Variants in TAF1A observed in about 807,000 individuals in gnomAD.
TAF1A encodes the protein TATA box-binding protein-associated factor RNA polymerase I subunit A.
A neutral mutation model predicts 61.6 loss-of-function variants in TAF1A; 42 were observed. The ratio of observed to expected loss-of-function variants is 0.68; its 90% CI spans 0.53 to 0.88. The LOEUF is 0.88. TAF1A is among the 40% of genes least tolerant of loss of function. The pLI is 0.00. For missense variants in TAF1A, 424 were observed against 518.7 expected, an observed-to-expected ratio of 0.82 and a Z score of 1.77; for synonymous variants, 179 against 177.7, an observed-to-expected ratio of 1.01 and a Z score of -0.06.
rs376568018 is a variant in TAF1A at position 222,569,571 on chromosome 1, T to C, written c.833A>G (p.Tyr278Cys). The C allele has an allele frequency of 7.1e-5, 114 of 1,614,108 alleles. No individual in the cohort carries two copies. The South Asian group carries it at 9.1e-4, about 13-fold the overall frequency. ...KFPSNPNAHI[Y>C]LYNFLKRQKA... ...CTGTCTCTTTAGAAAGTTGTATAAGTAGATATGGGCATTTGGATTTGATGG... is the reference window on the plus strand; with the variant it reads ...CTGTCTCTTTAGAAAGTTGTATAAGCAGATATGGGCATTTGGATTTGATGG... The change falls in exon 7 of 11, where the codon TAC becomes TGC. Residue 278 changes from tyrosine (Y) to cysteine (C), a missense_variant. Transcript: ENST00000352967.
At chr1:222,555,410 T>C (rs1010989503), downstream of TAF1A, among the ~76,000 whole-genome samples, 1 of 152,192 alleles carries the variant, frequency 6.6e-6, no homozygotes, top group Admixed American at 6.5e-5. Flanking sequence ...AATCCTGCCA[T>C]TCAGAACATG....
Position 222,570,543 on chromosome 1 carries a change from A to G in TAF1A, c.727T>C (p.Tyr243His). ...PGVWDPFVKS[Y>H]VEMLEFYGDR... ...ATGAAAATTCTACTTACTTCTACAT[A>G]ACTCTTCACAAAAGGGTCCCAAACT... is the stretch of plus-strand genomic sequence containing the variant. The change falls in exon 6 of 11, where the codon TAT becomes CAT. Residue 243 changes from tyrosine to histidine, a missense_variant. Coordinates refer to ENST00000352967, the MANE Select transcript of TAF1A (RefSeq NM_005681.4). 1 of 1,610,050 alleles carries G rather than the reference A, an allele frequency of 6.2e-7. No individual in the cohort carries two copies. Among genetic ancestry groups the G allele is most frequent in the Non-Finnish European group, 8.5e-7 (1 of 1,177,338 alleles).
At chr1:222,588,102 A>G (rs1661092541) in intron 2 of TAF1A, among the ~76,000 whole-genome samples, 1 of 152,136 alleles carries the variant, frequency 6.6e-6, no homozygotes, top group African/African-American at 2.4e-5. Context: ...ATTTCAATGC[A>G]ATTCAACAGC....
At chr1:222,556,760 T>C (rs1659732278), downstream of TAF1A, among the ~76,000 whole-genome samples, 1 of 152,222 alleles carries the variant, frequency 6.6e-6, no homozygotes. Context: ...TCTTTTATTC[T>C]CACCTCCATT....
intron 5 of TAF1A, among the ~76,000 whole-genome samples, chr1:222,574,383 C>T (rs774065677): frequency 6.6e-6 from 1 of 152,074 alleles, no homozygotes. Context: ...CAAAAGAAAA[C>T]TCTAATCAGA....
chr1:222,580,276 C>A (rs1420778948), intron 3 of TAF1A, among the ~76,000 whole-genome samples: 1 of 152,176 alleles, frequency 6.6e-6, no homozygotes, highest in African/African-American at 2.4e-5. Context: ...ATGAGGGCAA[C>A]AAACTACACA....
intron 7 of TAF1A, among the ~76,000 whole-genome samples, chr1:222,568,340 G>C (rs915003027): frequency 6.6e-6 from 1 of 151,998 alleles, no homozygotes; most frequent in Non-Finnish European, 1.5e-5. Context: ...CAAAAGGCAA[G>C]GCACAGTCAG....
intron 4 of TAF1A, among the ~76,000 whole-genome samples, chr1:222,578,003 C>T (rs1558150629): frequency 6.6e-6 from 1 of 152,072 alleles, no homozygotes; most frequent in Non-Finnish European, 1.5e-5. Flanking sequence ...CATTACTGCC[C>T]CTTCAGAAGG....
intron 9 of TAF1A, 125 bp from the exon 10 acceptor site, chr1:222,561,643 T>C: frequency 1.1e-6 from 1 of 946,686 alleles, no homozygotes; most frequent in Non-Finnish European, 1.5e-6. Context: ...AAATTCTCAA[T>C]ATGGCCAAGG....
At chr1:222,570,863 T>C (rs932895160) in intron 5 of TAF1A, among the ~76,000 whole-genome samples, 198 bp from the exon 6 acceptor site, 4 of 151,800 alleles carry the variant, frequency 2.6e-5, no homozygotes, top group African/African-American at 9.7e-5. Flanking sequence ...CTTCCTAACT[T>C]ATTCTAAGCC....
At chr1:222,556,866 A>T (rs1659734317), downstream of TAF1A, among the ~76,000 whole-genome samples, 1 of 152,174 alleles carries the variant, frequency 6.6e-6, no homozygotes. Flanking sequence ...GATTTTTTCC[A>T]CATCGTCTGG....
intron 9 of TAF1A, among the ~76,000 whole-genome samples, chr1:222,561,909 A>G (rs1659931087): frequency 6.6e-6 from 1 of 152,184 alleles, no homozygotes; most frequent in Non-Finnish European, 1.5e-5. Flanking sequence ...TGTTATTAAG[A>G]TTAAACTATT....
chr1:222,563,393 A>C (rs1477259237), intron 8 of TAF1A, 97 bp from the exon 9 acceptor site: 3 of 1,278,460 alleles, frequency 2.3e-6, no homozygotes, highest in Non-Finnish European at 3.2e-6. Context: ...TATATACTTT[A>C]CATATATGTT....
chr1:222,563,975 A>G (rs1381389578), intron 8 of TAF1A, 84 bp downstream of exon 8: 8 of 808,034 alleles, frequency 9.9e-6, no homozygotes, highest in Non-Finnish European at 1.3e-5. Flanking sequence ...AAAGGGGTGG[A>G]TTTAGCCGAT....
intron 7 of TAF1A, 95 bp downstream of exon 7, chr1:222,569,415 T>A (rs754891404): frequency 3.1e-6 from 5 of 1,607,394 alleles, no homozygotes; most frequent in Non-Finnish European, 4.2e-6. Context: ...ATTGAAATTT[T>A]CTGTAGATGC....
chr1:222,572,670 T>A (rs1056440069), intron 5 of TAF1A, among the ~76,000 whole-genome samples: 2 of 152,120 alleles, frequency 1.3e-5, no homozygotes, highest in African/African-American at 2.4e-5. Flanking sequence ...CTAACTAATT[T>A]TCAGTAAGGG....
chr1:222,561,381 C>G lies in TAF1A; in HGVS notation c.1223G>C (p.Gly408Ala). Reference sequence around the variant, plus strand: ...AACTGTACCTTTTCCTAACAGTAAACCAGCCACAAAAGCTTTCTCACAGGC... The same window carrying G: ...AACTGTACCTTTTCCTAACAGTAAAGCAGCCACAAAAGCTTTCTCACAGGC... Reference protein sequence around the residue: ...ALACEKAFVAGLLLGKGCRYF... With the variant: ...ALACEKAFVAALLLGKGCRYF... The change falls in exon 10 of 11, where the codon GGT (glycine) becomes GCT (alanine). Residue 408 changes from glycine (G) to alanine (A), a missense_variant. Physicochemically the swap from Gly to Ala is moderately conservative, Grantham distance 60. Transcript: ENST00000352967. 6.2e-7 allele frequency: 1 copy of G among 1,605,510 alleles called. No individual in the cohort carries two copies. The highest frequency in any genetic ancestry group is 1.1e-5 in the South Asian group (1 of 88,842).
chr1:222,577,780 T>C (rs1660633916), intron 4 of TAF1A, 137 bp from the exon 5 acceptor site: 1 of 721,800 alleles, frequency 1.4e-6, no homozygotes, highest in South Asian at 1.8e-5. Flanking sequence ...ATTTTGATGT[T>C]GGGTACAATC....
At position 222,589,906 on chromosome 1, in the gene TAF1A, T is replaced by G; in HGVS notation, c.-182A>C. 5.1e-6 allele frequency: 2 copies of G among 395,804 alleles called. No individual in the cohort carries two copies. Among genetic ancestry groups the G allele is most frequent in the Non-Finnish European group, 4.4e-6 (1 of 224,866 alleles). 24.5% of individuals were successfully genotyped at this position (395,804 alleles called of 1,614,324 possible). A position where few individuals can be genotyped will look rare whatever the true frequency, so the allele number is the denominator to read the frequency against. Reference sequence around the variant, plus strand: ...AACTCCTCCTGCTGCAGCAGGCGTATCGTTGGCCTCGCCTCGACCCCGGAA... The same window carrying G: ...AACTCCTCCTGCTGCAGCAGGCGTAGCGTTGGCCTCGCCTCGACCCCGGAA... On this transcript the variant is annotated 5_prime_UTR_variant, in exon 1 of 11. Coordinates refer to ENST00000352967, the MANE Select transcript of TAF1A (RefSeq NM_005681.4).
Sources: allele counts gnomAD v4.1 joint callset (sites outside exome capture counted in the v4.1 genomes callset), GRCh38; gene constraint gnomAD v4.1.1; transcripts MANE v1.5; gene names NCBI Gene and HGNC (gene_info 2026-07-23, HGNC 2026-07-21).